NEBL: variants seen among roughly 807,000 people sequenced by gnomAD.
NEBL encodes nebulette, also known as LIM and SH3 protein 2.
A neutral mutation model predicts 140.2 loss-of-function variants in NEBL; 122 were observed. That is an observed-to-expected ratio of 0.87 (90% CI 0.75 to 1.01). NEBL has a LOEUF of 1.01. NEBL is among the 50% of genes least tolerant of loss of function. NEBL has a pLI of 0.00. For missense variants in NEBL, 1,365 were observed against 1,231.3 expected (o/e 1.11, Z -1.62); for synonymous variants, 436 against 398.9 (o/e 1.09, Z -1.11).
intron 2 of NEBL, among the ~76,000 whole-genome samples, chr10:21,162,364 G>A (rs1467235425): frequency 6.6e-6 from 1 of 152,134 alleles, no homozygotes; most frequent in Non-Finnish European, 1.5e-5. Flanking sequence ...GGGGGTCGTG[G>A]GAACTCTCAA....
Position 21,029,250 on chromosome 10 carries a change from T to A in NEBL, c.165-9049A>T. ...CTCCACCGGCTGCTCGGGAACCCAA[T>A]ATCAACTGGAGCTTTCTTCCCAAAT... On this transcript the variant is annotated intron_variant, in intron 2 of 6. Transcript: ENST00000417816. The A allele has an allele frequency of 1.9e-6, 3 of 1,563,158 alleles. No individual in the cohort carries two copies. The Admixed American group carries it at 5.0e-5, about 26-fold the overall frequency.
chr10:20,825,911 T>C (rs1248170188), intron 18 of NEBL, among the ~76,000 whole-genome samples: 1 of 152,182 alleles, frequency 6.6e-6, no homozygotes, highest in Non-Finnish European at 1.5e-5. Flanking sequence ...TCGTTTCTGC[T>C]GGAAGAAGCA....
intron 3 of NEBL, among the ~76,000 whole-genome samples, chr10:20,998,007 T>C (rs7918175): frequency 0.061 from 9,322 of 152,070 alleles, 643 homozygotes; most frequent in African/African-American, 0.17. Flanking sequence ...AAAAAATAAA[T>C]TAAATACAAT....
intron 1 of NEBL, among the ~76,000 whole-genome samples, chr10:21,280,185 A>G (rs1175493998): frequency 6.6e-6 from 1 of 152,050 alleles, no homozygotes; most frequent in African/African-American, 2.4e-5. Context: ...TGATGCCCCT[A>G]TAGCAAAATG....
intron 3 of NEBL, among the ~76,000 whole-genome samples, chr10:21,233,837 GGATATATATTACATATATA>G (rs879390289): frequency 0.13 from 15,176 of 117,738 alleles, 1,277 homozygotes; most frequent in Middle Eastern, 0.19. Context: ...GCATATATAT[GGATATATATTACATATATA>G]GATATATATT....
chr10:20,813,908 A>G (rs369466710), intron 23 of NEBL, 31 bp downstream of exon 23: 3 of 1,362,696 alleles, frequency 2.2e-6, no homozygotes, highest in Non-Finnish European at 3.2e-6. Flanking sequence ...ATTCCTTAGC[A>G]TGTTTTAAGA....
chr10:21,102,347 A>G (rs1335111630), intron 2 of NEBL, among the ~76,000 whole-genome samples: 1 of 152,208 alleles, frequency 6.6e-6, no homozygotes, highest in Admixed American at 6.5e-5. Context: ...CATGTCCATG[A>G]GACTATCACC....
chr10:21,072,609 A>G (rs1472384433), intron 2 of NEBL, among the ~76,000 whole-genome samples: 1 of 152,240 alleles, frequency 6.6e-6, no homozygotes, highest in Non-Finnish European at 1.5e-5. Flanking sequence ...CAGGAAGGGT[A>G]TGCCCAGGGG....
chr10:20,880,971 G>T, intron 4 of NEBL, 67 bp from the exon 5 acceptor site: 2 of 1,261,578 alleles, frequency 1.6e-6, no homozygotes, highest in Non-Finnish European at 2.3e-6. Flanking sequence ...TAATTTCAGT[G>T]TTTTGCCAGG....
intron 2 of NEBL, among the ~76,000 whole-genome samples, chr10:21,154,181 G>A (rs1589291181): frequency 6.6e-6 from 1 of 151,780 alleles, no homozygotes; most frequent in East Asian, 1.9e-4. Flanking sequence ...GCCACTGGCT[G>A]GGCACAGTGG....
At chr10:21,003,457 T>C (rs1837991756) in intron 3 of NEBL, among the ~76,000 whole-genome samples, 1 of 152,216 alleles carries the variant, frequency 6.6e-6, no homozygotes, top group African/African-American at 2.4e-5. Context: ...ATTGAAAGGA[T>C]CTTTTGTTAT....
intron 4 of NEBL, among the ~76,000 whole-genome samples, chr10:20,906,551 T>C (rs1848102582): frequency 1.3e-5 from 2 of 152,182 alleles, no homozygotes; most frequent in African/African-American, 2.4e-5. Flanking sequence ...TTAAAATAAC[T>C]GGTACTCTCT....
chr10:21,056,444 T>C (rs1034111272), intron 2 of NEBL, among the ~76,000 whole-genome samples: 1 of 152,226 alleles, frequency 6.6e-6, no homozygotes, highest in African/African-American at 2.4e-5. Context: ...CTCCCGGAAC[T>C]TTAAAAGCAG....
chr10:20,801,125 T>G (rs912278511), intron 26 of NEBL, among the ~76,000 whole-genome samples: 18 of 152,230 alleles, frequency 1.2e-4, no homozygotes, highest in Admixed American at 9.8e-4. Context: ...CTCTCTCGTC[T>G]ACCCTTTTTC....
At chr10:20,854,653 C>T (rs1352764325) in intron 9 of NEBL, among the ~76,000 whole-genome samples, 2 of 150,350 alleles carry the variant, frequency 1.3e-5, no homozygotes, top group Non-Finnish European at 3.0e-5. Context: ...CAGCCTTGAC[C>T]TCCTGGGCTC....
chr10:21,187,020 GTGTGTGTGTA>G (rs1841485099), intron 3 of NEBL, among the ~76,000 whole-genome samples: 1 of 147,842 alleles, frequency 6.8e-6, no homozygotes. Context: ...GTGTGTGTGT[GTGTGTGTGTA>G]TACATATGTA....
At chr10:21,004,086 T>C (rs1838019552) in intron 3 of NEBL, among the ~76,000 whole-genome samples, 1 of 152,218 alleles carries the variant, frequency 6.6e-6, no homozygotes, top group African/African-American at 2.4e-5. Flanking sequence ...CATAAGTACG[T>C]GTATATTAAA....
In NEBL at chr10:21,173,840, G is replaced by T. The variant is rs141707642; in HGVS notation, c.-7C>A. Reference sequence around the variant, plus strand: ...GGGCGCACTGGGGGTTCATGATCGCGGTTCCCGGGGGCGGCGGCGGCGGCG... The same window carrying T: ...GGGCGCACTGGGGGTTCATGATCGCTGTTCCCGGGGGCGGCGGCGGCGGCG... On this transcript the variant is annotated 5_prime_UTR_variant, in exon 1 of 7. Coordinates refer to the NEBL transcript ENST00000417816. This position sits in a 1 kb window ranked among gnomAD's most constrained non-coding sequence, Gnocchi z 5.7. The T allele has an allele frequency of 2.5e-6, 4 of 1,610,738 alleles. No homozygotes were observed. The highest frequency in any genetic ancestry group is 1.7e-6 in the Non-Finnish European group (2 of 1,179,480).
At chr10:21,080,666 G>T (rs1190532736) in intron 2 of NEBL, among the ~76,000 whole-genome samples, 2 of 152,144 alleles carry the variant, frequency 1.3e-5, no homozygotes, top group South Asian at 2.1e-4. Context: ...AAGAAGCAAG[G>T]CTGGGTTTCT....
Sources: gnomAD v4.1 joint callset for allele counts (sites outside exome capture counted in the v4.1 genomes callset) on GRCh38, gnomAD v4.1.1 for gene constraint, Gnocchi (gnomAD v3.1) non-coding constraint, MANE v1.5 for transcripts, NCBI Gene and HGNC (gene_info 2026-07-23, HGNC 2026-07-21) for gene names.